NECAB3: variants seen among roughly 807,000 people sequenced by gnomAD.
NECAB3 encodes N-terminal EF-hand calcium binding protein 3.
Under a neutral mutation model 57.2 loss-of-function variants are expected in NECAB3, and 38 were observed. The ratio of observed to expected loss-of-function variants is 0.66; its 90% CI spans 0.51 to 0.87. NECAB3 has a LOEUF of 0.87. Among genes scored for constraint, NECAB3 ranks in the 40% least tolerant of loss-of-function variants. The pLI is 0.00. For synonymous variants in NECAB3, 223 were observed against 222.6 expected (o/e 1.00, Z -0.02); for missense variants, 474 against 527.5 (o/e 0.90, Z 0.99).
At chr20:33,659,819 G>A in intron 7 of NECAB3, 66 bp downstream of exon 7, 1 of 1,532,140 alleles carries the variant, frequency 6.5e-7, no homozygotes, top group Non-Finnish European at 8.7e-7. Context: ...TGAAGGAGCG[G>A]GCCCTGGGGG....
chr20:33,659,806 C>T (rs2017404109), intron 7 of NECAB3, 74 bp from the exon 8 acceptor site: 1 of 1,530,844 alleles, frequency 6.5e-7, no homozygotes, highest in Admixed American at 2.0e-5. Flanking sequence ...AAGTGAGGGG[C>T]AGTGAAGGAG....
rs1048902261 is a variant in NECAB3, at chr20:33,660,579, G to A, written c.388-184C>T. Among the ~76,000 whole-genome samples the A allele has an allele frequency of 3.3e-5, 5 of 152,146 alleles. No homozygotes were observed. Among genetic ancestry groups the A allele is most frequent in the Non-Finnish European group, 5.9e-5 (4 of 68,026 alleles). On this transcript the variant is annotated intron_variant, in intron 5 of 11. Coordinates refer to ENST00000246190, the MANE Select transcript of NECAB3 (RefSeq NM_031232.4). The surrounding 1 kb of genome is among the most constrained non-coding windows in gnomAD (Gnocchi z 4.1). The stretch of plus-strand genomic sequence containing the variant: ...GGAGGGTCTGGATCCCTCCTTGTCC[G>A]GGACTGGCCTCCCTCCCCGGAGGTG...
Position 33,659,744 on chromosome 20 carries a change from G to A in NECAB3, c.644-12C>T, listed in dbSNP as rs766883764. The A allele has an allele frequency of 1.9e-6, 3 of 1,578,378 alleles. No individual in the cohort carries two copies. Among genetic ancestry groups the A allele is most frequent in the Non-Finnish European group, 2.6e-6 (3 of 1,166,230 alleles). ...CTCTGAGCTGCGCCCTGTGTGTGGG[G>A]CCCGTGCAGGGTCAGGCAGGGGCCT... On this transcript the variant is annotated splice_polypyrimidine_tract_variant and intron_variant, in intron 7 of 11. Transcript: ENST00000246190.
At chr20:33,672,631 C>T (rs1007263952) in intron 1 of NECAB3, among the ~76,000 whole-genome samples, 3 of 152,220 alleles carry the variant, frequency 2.0e-5, no homozygotes, top group African/African-American at 7.2e-5. Context: ...GCGGGTGCCA[C>T]CTCTGCTCAC....
rs1229915143 is a variant in NECAB3, at chr20:33,660,025, G to A, written c.525-22C>T. On this transcript the variant is annotated intron_variant, in intron 6 of 11. Transcript: ENST00000246190. This position sits in a 1 kb window ranked among gnomAD's most constrained non-coding sequence, Gnocchi z 4.1. ...TGACCTAGAGGAAGTGAGGCTCACA[G>A]GGCCGAGGACTGGGGCCCCAGGACG... 6.4e-7 allele frequency: 1 copy of A among 1,569,876 alleles called. No homozygotes were observed. The highest frequency in any genetic ancestry group is 8.6e-7 in the Non-Finnish European group (1 of 1,159,038).
Position 33,657,656 on chromosome 20 carries a change from A to G in NECAB3, c.*173T>C, listed in dbSNP as rs962869451. ...ATAAAATACAGGGATAAATAAATCA[A>G]TAATAAATAGAAAGCAAGCAGCCCA... On this transcript the variant is annotated 3_prime_UTR_variant, in exon 12 of 12. Coordinates refer to ENST00000246190, the MANE Select transcript of NECAB3 (RefSeq NM_031232.4). 3 of 612,876 alleles carry G rather than the reference A, an allele frequency of 4.9e-6. No individual in the cohort carries two copies. In the African/African-American group the frequency reaches 5.6e-5, roughly 11 times the overall value. 38.0% of individuals were successfully genotyped at this position (612,876 alleles called of 1,614,324 possible).
intron 3 of NECAB3, chr20:33,670,423 T>C: frequency 2.5e-6 from 1 of 406,644 alleles, no homozygotes; most frequent in Non-Finnish European, 4.4e-6. Context: ...CTCTGGTCCC[T>C]GTGGGAAGCG....
At chr20:33,671,216 G>C (rs550526109) in intron 2 of NECAB3, among the ~76,000 whole-genome samples, 1 of 152,162 alleles carries the variant, frequency 6.6e-6, no homozygotes, top group South Asian at 2.1e-4. Flanking sequence ...GAGAAGCCAC[G>C]GGGAGGCAGA....
intron 5 of NECAB3, among the ~76,000 whole-genome samples, chr20:33,666,346 A>G (rs2017651999): frequency 6.6e-6 from 1 of 152,244 alleles, no homozygotes; most frequent in South Asian, 2.1e-4. Context: ...TGCCAAAATC[A>G]CTGCCCTTGG....
At chr20:33,668,282 CT>C in intron 5 of NECAB3, 2 of 1,535,334 alleles carry the variant, frequency 1.3e-6, no homozygotes, top group South Asian at 1.3e-5. Context: ...GGACAGCTCT[CT>C]ATCTAAAGAG....
rs955744317 is a variant in NECAB3, at chr20:33,657,236, GGAT to G, written c.*590_*592del. 1.5e-4 allele frequency: 23 copies of G among 152,812 alleles called. No homozygotes were observed. Among genetic ancestry groups the G allele is most frequent in the African/African-American group, 5.3e-4 (22 of 41,462 alleles). The allele number at this position is 152,812 out of a possible 1,614,324, so 9.5% of individuals were successfully genotyped here. On this transcript the variant is annotated 3_prime_UTR_variant, in exon 12 of 12. Coordinates refer to ENST00000246190, the MANE Select transcript of NECAB3 (RefSeq NM_031232.4). ...TCCCATACTGCCCTGAGAATGGGTG[GGAT>G]GAGGGCATGCAAACGATATGCAAAT...
At chr20:33,673,966 CCCG>C (rs1268219717) in intron 1 of NECAB3, among the ~76,000 whole-genome samples, 1 of 152,092 alleles carries the variant, frequency 6.6e-6, no homozygotes, top group Non-Finnish European at 1.5e-5. Context: ...TCGCCAGCCC[CCCG>C]CCAACACCAG....
intron 5 of NECAB3, chr20:33,663,882 C>T (rs1246726167): frequency 7.2e-7 from 1 of 1,382,902 alleles, no homozygotes; most frequent in Non-Finnish European, 9.3e-7. Context: ...TTGGCCCGGA[C>T]CCCGCCCAAT....
chr20:33,666,501 G>A (rs1324422911), intron 5 of NECAB3: 1 of 152,348 alleles, frequency 6.6e-6, no homozygotes, highest in Non-Finnish European at 1.5e-5. Flanking sequence ...CCACAACCAG[G>A]AACTTCCGTC....
Position 33,674,413 on chromosome 20 carries a change from C to G in NECAB3, c.-61G>C. The G allele has an allele frequency of 9.0e-7, 1 of 1,106,718 alleles. No individual in the cohort carries two copies. The highest frequency in any genetic ancestry group is 1.1e-6 in the Non-Finnish European group (1 of 908,690). The allele number at this position is 1,106,718 out of a possible 1,614,324, so 68.6% of individuals were successfully genotyped here. On this transcript the variant is annotated 5_prime_UTR_variant, in exon 1 of 12. Coordinates refer to ENST00000246190, the MANE Select transcript of NECAB3 (RefSeq NM_031232.4). Reference sequence around the variant, plus strand: ...TGCCGACCCTGGACGCCGCGGCGGACTCGGTGTGGCTAGAGGCCGCCCCTT... The same window carrying G: ...TGCCGACCCTGGACGCCGCGGCGGAGTCGGTGTGGCTAGAGGCCGCCCCTT...
At chr20:33,667,295 C>T (rs1046143690) in intron 5 of NECAB3, 5 of 600,550 alleles carry the variant, frequency 8.3e-6, no homozygotes, top group Non-Finnish European at 7.4e-6. Flanking sequence ...GGCGGCGTGG[C>T]GCGGGCGCAC....
At chr20:33,668,760 C>A (rs2017758984) in intron 5 of NECAB3, among the ~76,000 whole-genome samples, 1 of 152,252 alleles carries the variant, frequency 6.6e-6, no homozygotes, top group African/African-American at 2.4e-5. Context: ...TGCTCCCTCC[C>A]CCTTACAAGA....
chr20:33,658,375 G>A lies in NECAB3; in HGVS notation c.1070+102C>T, dbSNP rs150841137. On this transcript the variant is annotated intron_variant, in intron 10 of 11. Coordinates refer to ENST00000246190, the MANE Select transcript of NECAB3 (RefSeq NM_031232.4). ...CTCGGGCAGGTGGGGTCACTCATCT[G>A]AGGTCACAGAGCCAGTGAGCGGGAG... The A allele has an allele frequency of 3.2e-4, 391 of 1,233,558 alleles. 2 individuals are homozygous for A. In the East Asian group the frequency reaches 7.1e-3, roughly 22 times the overall value. The allele number at this position is 1,233,558 out of a possible 1,614,324, so 76.4% of individuals were successfully genotyped here. A position where few individuals can be genotyped will look rare whatever the true frequency, so the allele number is the denominator to read the frequency against.
At chr20:33,667,028 G>C (rs1463707368) in intron 5 of NECAB3, 1 of 159,192 alleles carries the variant, frequency 6.3e-6, no homozygotes, top group Non-Finnish European at 1.4e-5. Flanking sequence ...GGCCGACGAA[G>C]CCGAGTGGCG....
Sources: gnomAD v4.1 joint callset for allele counts (sites outside exome capture counted in the v4.1 genomes callset) on GRCh38, gnomAD v4.1.1 for gene constraint, Gnocchi (gnomAD v3.1) non-coding constraint, MANE v1.5 for transcripts, NCBI Gene and HGNC (gene_info 2026-07-23, HGNC 2026-07-21) for gene names.